ZNF385C: variants seen among roughly 807,000 people sequenced by gnomAD.
ZNF385C encodes the protein CTD-2132N18.2.
Under a neutral mutation model 35.4 loss-of-function variants are expected in ZNF385C, and 28 were observed. The observed-to-expected ratio is 0.79, with a 90% CI of 0.59 to 1.08. The LOEUF is 1.08. Among genes scored for constraint, ZNF385C ranks in the 50% least tolerant of loss-of-function variants. The pLI is 0.00. For synonymous variants in ZNF385C, 248 were observed against 248.2 expected, an observed-to-expected ratio of 1.00 and a Z score of 0.01; for missense variants, 605 against 595.6, an observed-to-expected ratio of 1.02 and a Z score of -0.16.
intron 2 of ZNF385C, among the ~76,000 whole-genome samples, chr17:42,057,136 A>G (rs1440899168): frequency 1.3e-5 from 2 of 152,154 alleles, no homozygotes; most frequent in Non-Finnish European, 2.9e-5. Context: ...CGTTGTCTCA[A>G]TAAACAAAAC....
At chr17:42,034,519 C>A (rs1219105514) in intron 3 of ZNF385C, among the ~76,000 whole-genome samples, 184 bp from the exon 4 acceptor site, 1 of 152,086 alleles carries the variant, frequency 6.6e-6, no homozygotes, top group Non-Finnish European at 1.5e-5. Context: ...GTGGCTCACA[C>A]CTGTAATCCC....
chr17:42,042,212 T>TA (rs201957820), intron 2 of ZNF385C, among the ~76,000 whole-genome samples: 16 of 150,748 alleles, frequency 1.1e-4, no homozygotes, highest in East Asian at 3.9e-4. Context: ...TCTCTATGTT[T>TA]AAAAAAAACC....
chr17:42,069,633 A>G (rs921686562), intron 1 of ZNF385C, among the ~76,000 whole-genome samples: 3 of 152,216 alleles, frequency 2.0e-5, no homozygotes, highest in African/African-American at 7.2e-5. Context: ...ATTTTCCTCC[A>G]TGTCAGCCAA....
intron 2 of ZNF385C, among the ~76,000 whole-genome samples, chr17:42,053,021 G>A (rs1409593778): frequency 6.6e-6 from 1 of 152,202 alleles, no homozygotes; most frequent in African/African-American, 2.4e-5. Flanking sequence ...AAAGTGGAGA[G>A]TGAGAGGTTG....
At chr17:42,072,732 C>G (rs1365889028) in intron 1 of ZNF385C, among the ~76,000 whole-genome samples, 2 of 152,128 alleles carry the variant, frequency 1.3e-5, no homozygotes, top group African/African-American at 2.4e-5. Flanking sequence ...CCGCCCCCGC[C>G]GGCCCAGGAC....
intron 1 of ZNF385C, among the ~76,000 whole-genome samples, chr17:42,075,622 G>T (rs1345849790): frequency 6.6e-6 from 1 of 151,142 alleles, no homozygotes; most frequent in Non-Finnish European, 1.5e-5. Flanking sequence ...AGCCTCCCCA[G>T]TAGCTGGGAC....
chr17:42,035,118 CAAAAAAA>C (rs1239388932), intron 3 of ZNF385C, among the ~76,000 whole-genome samples: 13 of 81,506 alleles, frequency 1.6e-4, no homozygotes, highest in Admixed American at 1.8e-4. Flanking sequence ...GACTCTGTCT[CAAAAAAA>C]AAAAAAAAAA....
intron 1 of ZNF385C, among the ~76,000 whole-genome samples, chr17:42,079,178 C>T (rs1239213277): frequency 8.4e-6 from 1 of 118,888 alleles, no homozygotes; most frequent in Non-Finnish European, 1.7e-5. Context: ...ATGACAAAAC[C>T]CTGTCTCGCA....
chr17:42,042,852 C>T, intron 2 of ZNF385C: 1 of 1,232,348 alleles, frequency 8.1e-7, no homozygotes, highest in Non-Finnish European at 1.0e-6. Flanking sequence ...CCCTCACCCT[C>T]CTGGGACTGT....
At chr17:42,091,895 T>C (rs868976892) in intron 1 of ZNF385C, among the ~76,000 whole-genome samples, 10 of 152,016 alleles carry the variant, frequency 6.6e-5, no homozygotes, top group Non-Finnish European at 1.3e-4. Flanking sequence ...TGTGTGAAGG[T>C]AGAGGAGCTT....
chr17:42,086,527 C>A (rs184141062), intron 1 of ZNF385C, among the ~76,000 whole-genome samples: 49 of 152,046 alleles, frequency 3.2e-4, no homozygotes, highest in African/African-American at 1.2e-3. Context: ...CATGGAGAAA[C>A]CCTGTCTCTA....
Position 42,067,876 on chromosome 17 carries a change from C to T in ZNF385C, c.-2-4818G>A, listed in dbSNP as rs35865182. Among the ~76,000 whole-genome samples, 1,129 of 152,262 alleles carry T rather than the reference C, an allele frequency of 7.4e-3. 16 individuals carry two copies. Among genetic ancestry groups the T allele is most frequent in the African/African-American group, 0.026 (1,065 of 41,534 alleles). On this transcript the variant is annotated intron_variant, in intron 1 of 8. Coordinates refer to ENST00000692273, the MANE Select transcript of ZNF385C (RefSeq NM_001392013.1). ...CCATGCCAAGGAGAGCTGCCTGCCC[C>T]GCCAGCATGGGGACAGGGGTATTTT... is the stretch of plus-strand genomic sequence containing the variant.
chr17:42,028,109 G>A lies in ZNF385C; in HGVS notation c.1105C>T (p.Pro369Ser), dbSNP rs147945853. Residue 369 changes from proline to serine, a missense_variant, in exon 7 of 9, where the codon CCT becomes TCT. By Grantham distance (74) the Pro-to-Ser change is moderately conservative. Transcript: ENST00000692273. ...TGACAGAGAGCACAGTGGAAGGCAG[G>A]GCTGGGCCCCTGCCGGCCGCCCCGG... ...GGRGGRQGPS[P>S]AFHCALCQLQ... 1.6e-5 allele frequency: 26 copies of A among 1,613,380 alleles called. No individual in the cohort carries two copies. The African/African-American group carries it at 2.1e-4, about 13-fold the overall frequency.
Position 42,028,800 on chromosome 17 carries a change from A to C in ZNF385C, c.950T>G (p.Leu317Arg). Residue 317 changes from leucine to arginine, a missense_variant, in exon 6 of 9, where the codon CTT becomes CGT. Coordinates refer to ENST00000692273, the MANE Select transcript of ZNF385C (RefSeq NM_001392013.1). ...CTACTGACCTGTGTTGTGAGCCTGAAGCTGGGAGGCCGAGTTCACTGTCAC... is the reference window on the plus strand; with the variant it reads ...CTACTGACCTGTGTTGTGAGCCTGACGCTGGGAGGCCGAGTTCACTGTCAC... ...CKVTVNSASQLQAHNTGAKHR... is the reference protein window; with the variant it reads ...CKVTVNSASQRQAHNTGAKHR... 1.9e-6 allele frequency: 3 copies of C among 1,550,138 alleles called. No individual in the cohort carries two copies. The highest frequency in any genetic ancestry group is 2.6e-6 in the Non-Finnish European group (3 of 1,146,614).
At chr17:42,066,405 G>A (rs1341335962) in intron 1 of ZNF385C, among the ~76,000 whole-genome samples, 3 of 152,170 alleles carry the variant, frequency 2.0e-5, no homozygotes, top group African/African-American at 7.2e-5. Flanking sequence ...TGCAGCTTGT[G>A]AGTGAAGTCT....
intron 4 of ZNF385C, 83 bp from the exon 5 acceptor site, chr17:42,031,867 A>C: frequency 6.8e-7 from 1 of 1,477,542 alleles, no homozygotes; most frequent in Non-Finnish European, 9.1e-7. Flanking sequence ...GCAGGGGGAC[A>C]GGTCAAAGGG....
At chr17:42,085,418 G>A (rs1300235664) in intron 1 of ZNF385C, among the ~76,000 whole-genome samples, 6 of 151,216 alleles carry the variant, frequency 4.0e-5, no homozygotes, top group East Asian at 3.9e-4. Context: ...ACAAGTGTGC[G>A]CCACCACGTC....
chr17:42,035,882 C>T (rs2052845148), intron 3 of ZNF385C, among the ~76,000 whole-genome samples: 1 of 152,056 alleles, frequency 6.6e-6, no homozygotes, highest in Non-Finnish European at 1.5e-5. Context: ...AGAGTGAGAG[C>T]CACAGCCAGG....
At position 42,028,132 on chromosome 17, in the gene ZNF385C, C is replaced by T. The variant is rs782696079; in HGVS notation, c.1082G>A (p.Arg361Gln). The T allele has an allele frequency of 3.5e-5, 56 of 1,612,682 alleles. No individual in the cohort carries two copies. The Middle Eastern group carries it at 5.0e-4, about 14-fold the overall frequency. Reference sequence around the variant, plus strand: ...AGGGCTGGGCCCCTGCCGGCCGCCCCGGCCCCCTGTGACTCTCTTGGCTTT... The same window carrying T: ...AGGGCTGGGCCCCTGCCGGCCGCCCTGGCCCCCTGTGACTCTCTTGGCTTT... Reference protein sequence around the residue: ...GHKAKRVTGGRGGRQGPSPAF... With the variant: ...GHKAKRVTGGQGGRQGPSPAF... The change falls in exon 7 of 9, where the codon CGG becomes CAG. Residue 361 changes from arginine (R) to glutamine (Q), a missense_variant. By Grantham distance (43) the Arg-to-Gln change is conservative (BLOSUM62 1). Transcript: ENST00000692273.
Sources: gnomAD v4.1 joint callset for allele counts (sites outside exome capture counted in the v4.1 genomes callset) on GRCh38, gnomAD v4.1.1 for gene constraint, MANE v1.5 for transcripts, NCBI Gene and HGNC (gene_info 2026-07-23, HGNC 2026-07-21) for gene names.